IL1RAPL2: variants seen among roughly 807,000 people sequenced by gnomAD.
IL1RAPL2 encodes the protein interleukin 1 receptor accessory protein like 2.
Under a neutral mutation model 44.1 loss-of-function variants are expected in IL1RAPL2, and 3 were observed. The observed-to-expected ratio is 0.07, with a 90% CI of 0.03 to 0.18. The LOEUF (loss-of-function observed/expected upper bound fraction) is 0.18. Among genes scored for constraint, IL1RAPL2 ranks in the 10% least tolerant of loss-of-function variants. The probability of loss-of-function intolerance (pLI) is 1.00; values close to 1 mark genes in which losing one functional copy is unlikely to be tolerated. For missense variants in IL1RAPL2, 391 were observed against 496.4 expected (o/e 0.79, Z 2.02); for synonymous variants, 181 against 178.8 (o/e 1.01, Z -0.10).
chrX:104,617,447 C>G (rs773819119), intron 1 of IL1RAPL2, among the ~76,000 whole-genome samples: 2 of 112,183 alleles, frequency 1.8e-5, no homozygotes, highest in Non-Finnish European at 3.8e-5. Flanking sequence ...GAATTATTCC[C>G]TCAAATATGT....
Position 104,677,925 on chromosome X carries a change from C to T in IL1RAPL2, c.82+18930C>T, listed in dbSNP as rs1324205556. 6.2e-5 allele frequency among the ~76,000 whole-genome samples: 7 copies of T among 112,622 alleles called. No homozygotes were observed. The East Asian group carries it at 2.0e-3, about 32-fold the overall frequency. On this transcript the variant is annotated intron_variant, in intron 2 of 10. Coordinates refer to ENST00000372582, the MANE Select transcript of IL1RAPL2 (RefSeq NM_017416.2). The stretch of plus-strand genomic sequence containing the variant: ...AACTCCCTGACCCCTTGCGCTTCCC[C>T]AGTGAGGCAATGCCTCACCCTGCTT...
chrX:105,723,410 C>T (rs1022295576), intron 7 of IL1RAPL2, among the ~76,000 whole-genome samples: 7 of 111,488 alleles, frequency 6.3e-5, no homozygotes, highest in African/African-American at 2.0e-4. Context: ...TCTATTGAAC[C>T]CTCACCAGAA....
intron 1 of IL1RAPL2, among the ~76,000 whole-genome samples, chrX:104,621,208 G>C (rs944407459): frequency 9.5e-6 from 1 of 105,180 alleles, no homozygotes; most frequent in African/African-American, 3.4e-5. Flanking sequence ...TCACATCAAG[G>C]TCTAATTAGA....
At chrX:105,277,497 C>T (rs1006792446) in intron 5 of IL1RAPL2, among the ~76,000 whole-genome samples, 6 of 111,416 alleles carry the variant, frequency 5.4e-5, no homozygotes, top group Non-Finnish European at 7.5e-5. Flanking sequence ...TTATCTGCCT[C>T]TTTTAAATGT....
chrX:104,582,494 TTC>T (rs199968264), intron 1 of IL1RAPL2, among the ~76,000 whole-genome samples: 19 of 108,497 alleles, frequency 1.8e-4, no homozygotes, highest in East Asian at 8.7e-4. Flanking sequence ...GCTTTTTCTT[TTC>T]TCTCTCTCTC....
chrX:105,405,219 CAT>C (rs1056176923), intron 5 of IL1RAPL2, among the ~76,000 whole-genome samples: 13 of 111,523 alleles, frequency 1.2e-4, no homozygotes, highest in Admixed American at 1.1e-3. Context: ...TATGCATTTT[CAT>C]ATGTCTGTAC....
chrX:104,782,331 G>A (rs970351387), intron 2 of IL1RAPL2, among the ~76,000 whole-genome samples: 4 of 110,656 alleles, frequency 3.6e-5, no homozygotes, highest in African/African-American at 1.3e-4. Context: ...GGCATCAGTA[G>A]GAGACTATCT....
At chrX:104,929,670 A>G (rs1301337664) in intron 2 of IL1RAPL2, among the ~76,000 whole-genome samples, 2 of 112,012 alleles carry the variant, frequency 1.8e-5, no homozygotes, top group African/African-American at 6.5e-5. Context: ...CAATTCATTC[A>G]TCCATTTTGA....
chrX:105,009,069 G>T (rs969461123), intron 2 of IL1RAPL2, among the ~76,000 whole-genome samples: 1 of 111,823 alleles, frequency 8.9e-6, no homozygotes, highest in African/African-American at 3.3e-5. Flanking sequence ...ACACCAGTTA[G>T]AATGGCGAGT....
chrX:104,711,279 C>A (rs1931451565), intron 2 of IL1RAPL2, among the ~76,000 whole-genome samples: 1 of 111,274 alleles, frequency 9.0e-6, no homozygotes, highest in African/African-American at 3.3e-5. Context: ...TATGCATGTT[C>A]TGAGATATAC....
intron 6 of IL1RAPL2, among the ~76,000 whole-genome samples, chrX:105,592,324 G>T (rs187395227): frequency 2.7e-5 from 3 of 111,701 alleles, no homozygotes; most frequent in African/African-American, 9.8e-5. Flanking sequence ...GGGTGTCATT[G>T]CCTGTGAGAT....
At chrX:105,045,914 T>A (rs1000529493) in intron 2 of IL1RAPL2, among the ~76,000 whole-genome samples, 1 of 111,177 alleles carries the variant, frequency 9.0e-6, no homozygotes, top group Admixed American at 9.6e-5. Flanking sequence ...AAAAAATTAA[T>A]CTTAAAAAAT....
intron 5 of IL1RAPL2, among the ~76,000 whole-genome samples, chrX:105,459,908 G>C (rs1358083733): frequency 9.0e-6 from 1 of 111,148 alleles, no homozygotes; most frequent in East Asian, 2.8e-4. Flanking sequence ...AAATTAGTTG[G>C]CAAAATTGGT....
intron 5 of IL1RAPL2, among the ~76,000 whole-genome samples, chrX:105,425,970 G>A (rs1470904579): frequency 9.3e-6 from 1 of 107,676 alleles, no homozygotes; most frequent in African/African-American, 3.4e-5. Flanking sequence ...GTCTATTTCT[G>A]CCAAAACATG....
intron 2 of IL1RAPL2, among the ~76,000 whole-genome samples, chrX:105,193,330 A>C (rs2033648042): frequency 8.9e-6 from 1 of 111,851 alleles, no homozygotes; most frequent in South Asian, 3.7e-4. Flanking sequence ...AAAAACTGAA[A>C]TAATAGTTTA....
intron 2 of IL1RAPL2, among the ~76,000 whole-genome samples, chrX:104,940,449 C>A (rs1281044410): frequency 2.7e-5 from 3 of 111,586 alleles, no homozygotes. Context: ...AAATATAAAG[C>A]AATATTAGTA....
intron 1 of IL1RAPL2, among the ~76,000 whole-genome samples, chrX:104,570,172 G>A: frequency 8.9e-6 from 1 of 111,779 alleles, no homozygotes; most frequent in East Asian, 2.8e-4. Flanking sequence ...TTTTTTCAAG[G>A]CTGGTTTCTA....
At chrX:105,369,369 C>T (rs1213730339) in intron 5 of IL1RAPL2, among the ~76,000 whole-genome samples, 1 of 110,904 alleles carries the variant, frequency 9.0e-6, no homozygotes, top group Non-Finnish European at 1.9e-5. Context: ...CTTGTCCAAC[C>T]TGCTGTTATT....
chrX:104,582,324 C>T (rs895453473), intron 1 of IL1RAPL2, among the ~76,000 whole-genome samples: 7 of 111,692 alleles, frequency 6.3e-5, no homozygotes, highest in African/African-American at 2.3e-4. Context: ...ACAGGATGTG[C>T]ACACCTCAGG....
Sources: allele counts gnomAD v4.1 joint callset (sites outside exome capture counted in the v4.1 genomes callset), GRCh38; gene constraint gnomAD v4.1.1; transcripts MANE v1.5; gene names NCBI Gene and HGNC (gene_info 2026-07-23, HGNC 2026-07-21).